XKR6: variants seen among roughly 807,000 people sequenced by gnomAD.
XKR6 encodes the protein XK-related protein 6.
In XKR6, 22 loss-of-function variants were observed where a neutral mutation model predicts 56.7. That is an observed-to-expected ratio of 0.39 (90% CI 0.28 to 0.55). XKR6 has a LOEUF of 0.55. XKR6 is among the 20% of genes least tolerant of loss of function. XKR6 has a pLI of 0.66. For synonymous variants in XKR6, 524 were observed against 387.8 expected (o/e 1.35, Z -4.13); for missense variants, 852 against 889.0 (o/e 0.96, Z 0.53).
At chr8:11,178,409 C>A (rs1802771397) in intron 1 of XKR6, among the ~76,000 whole-genome samples, 1 of 151,654 alleles carries the variant, frequency 6.6e-6, no homozygotes, top group South Asian at 2.1e-4. Context: ...GAAAGAGCAC[C>A]ACCTGAATTC....
chr8:10,907,030 G>A (rs1216753164), intron 2 of XKR6, among the ~76,000 whole-genome samples: 1 of 151,700 alleles, frequency 6.6e-6, no homozygotes, highest in South Asian at 2.1e-4. Context: ...CCTGGCAACA[G>A]AGCAAGACTC....
chr8:10,993,910 C>G (rs1455686492), intron 1 of XKR6, among the ~76,000 whole-genome samples: 1 of 152,186 alleles, frequency 6.6e-6, no homozygotes, highest in Non-Finnish European at 1.5e-5. Flanking sequence ...CAGGGTAGGG[C>G]CTGGAGTGAA....
chr8:11,127,770 T>C lies in XKR6; in HGVS notation c.764+72806A>G, dbSNP rs545604374. Among the ~76,000 whole-genome samples, 21 of 152,334 alleles carry C rather than the reference T, an allele frequency of 1.4e-4. No individual in the cohort carries two copies. The East Asian group carries it at 2.3e-3, about 17-fold the overall frequency. ...GTCTCCTTTACAATGTGCGGTTACA[T>C]ATTTATAGGTCTGGGGATTGGAATA... On this transcript the variant is annotated intron_variant, in intron 1 of 2. Coordinates refer to ENST00000416569, the MANE Select transcript of XKR6 (RefSeq NM_173683.4).
Position 11,188,194 on chromosome 8 carries a change from A to G in XKR6, c.764+12382T>C, listed in dbSNP as rs143821691. On this transcript the variant is annotated intron_variant, in intron 1 of 2. Coordinates refer to ENST00000416569, the MANE Select transcript of XKR6 (RefSeq NM_173683.4). ...AAAAAATACACTTCAACCTCATCAG[A>G]CCCCATCCAAAACCAGGTAACATGC... 3.4e-3 allele frequency among the ~76,000 whole-genome samples: 515 copies of G among 152,192 alleles called. 6 individuals are homozygous for G. Among genetic ancestry groups the G allele is most frequent in the African/African-American group, 0.012 (489 of 41,526 alleles).
chr8:11,045,222 G>C (rs529905330), intron 1 of XKR6, among the ~76,000 whole-genome samples: 2 of 150,956 alleles, frequency 1.3e-5, no homozygotes, highest in South Asian at 4.2e-4. Flanking sequence ...AGTAGCTAGA[G>C]ACTACAGGCA....
chr8:11,010,803 G>C (rs1798483430), intron 1 of XKR6, among the ~76,000 whole-genome samples: 1 of 146,106 alleles, frequency 6.8e-6, no homozygotes, highest in Non-Finnish European at 1.5e-5. Flanking sequence ...TCATGACATT[G>C]ACACAAAGTT....
intron 1 of XKR6, among the ~76,000 whole-genome samples, chr8:11,110,791 G>C (rs940888051): frequency 1.1e-4 from 16 of 151,718 alleles, no homozygotes; most frequent in African/African-American, 3.6e-4. Context: ...TCTGAAAGTA[G>C]CCCACAGTTT....
intron 1 of XKR6, among the ~76,000 whole-genome samples, chr8:11,101,004 A>C (rs1445109212): frequency 1.3e-5 from 2 of 152,118 alleles, no homozygotes; most frequent in African/African-American, 4.8e-5. Context: ...TCCCTTACCC[A>C]CCCTGCAGTG....
intron 1 of XKR6, among the ~76,000 whole-genome samples, chr8:11,048,241 A>G (rs183620523): frequency 2.5e-4 from 38 of 152,244 alleles, no homozygotes; most frequent in African/African-American, 8.9e-4. Context: ...TCACACCATC[A>G]GCAAGGGGAA....
chr8:11,188,966 C>T (rs935459870), intron 1 of XKR6, among the ~76,000 whole-genome samples: 3 of 152,112 alleles, frequency 2.0e-5, no homozygotes, highest in Non-Finnish European at 4.4e-5. Flanking sequence ...GCTGATGTGC[C>T]ACACTAATAT....
At chr8:11,081,972 C>G (rs1797737560) in intron 1 of XKR6, among the ~76,000 whole-genome samples, 1 of 152,180 alleles carries the variant, frequency 6.6e-6, no homozygotes, top group Non-Finnish European at 1.5e-5. Context: ...CTGGAGGATG[C>G]TCTTGTCGGC....
intron 1 of XKR6, among the ~76,000 whole-genome samples, chr8:11,056,527 C>A (rs1322576950): frequency 6.6e-6 from 1 of 152,140 alleles, no homozygotes; most frequent in Admixed American, 6.5e-5. Flanking sequence ...TCATCTACCC[C>A]AAATGCAACT....
intron 1 of XKR6, among the ~76,000 whole-genome samples, chr8:11,077,722 G>A (rs530093626): frequency 2.6e-5 from 4 of 152,300 alleles, no homozygotes; most frequent in South Asian, 4.2e-4. Flanking sequence ...CTCTCCAGGA[G>A]GAGTCCCATC....
At chr8:10,947,258 G>A (rs1315044604) in intron 1 of XKR6, among the ~76,000 whole-genome samples, 1 of 152,208 alleles carries the variant, frequency 6.6e-6, no homozygotes, top group Non-Finnish European at 1.5e-5. Flanking sequence ...TGGTTGACCA[G>A]AAGAATGGTG....
chr8:10,987,077 G>C (rs1280226176), intron 1 of XKR6, among the ~76,000 whole-genome samples: 1 of 148,818 alleles, frequency 6.7e-6, no homozygotes, highest in Non-Finnish European at 1.5e-5. Context: ...AAGGATTAAA[G>C]GGCATGTAAC....
At chr8:11,159,721 A>G (rs909390079) in intron 1 of XKR6, among the ~76,000 whole-genome samples, 1 of 152,240 alleles carries the variant, frequency 6.6e-6, no homozygotes, top group African/African-American at 2.4e-5. Flanking sequence ...AGAACCACTG[A>G]ACTAATAATG....
chr8:11,093,921 C>G (rs1186648823), intron 1 of XKR6, among the ~76,000 whole-genome samples: 1 of 151,326 alleles, frequency 6.6e-6, no homozygotes, highest in Non-Finnish European at 1.5e-5. Context: ...GTAGCTGGGA[C>G]TACAGGTGTC....
intron 1 of XKR6, among the ~76,000 whole-genome samples, chr8:11,114,641 G>A (rs1050752622): frequency 6.6e-6 from 1 of 152,242 alleles, no homozygotes; most frequent in African/African-American, 2.4e-5. Flanking sequence ...GATGACAGGC[G>A]TGAGCCACCG....
chr8:11,158,938 T>C (rs901734967), intron 1 of XKR6, among the ~76,000 whole-genome samples: 1 of 152,186 alleles, frequency 6.6e-6, no homozygotes, highest in African/African-American at 2.4e-5. Context: ...TTCCTGCAAC[T>C]GAGGACCCGC....
Sources: allele counts gnomAD v4.1 joint callset (sites outside exome capture counted in the v4.1 genomes callset), GRCh38; gene constraint gnomAD v4.1.1; transcripts MANE v1.5; gene names NCBI Gene and HGNC (gene_info 2026-07-23, HGNC 2026-07-21).